The following YIF1B variants were observed in gnomAD, a reference collection of about 807,000 sequenced individuals.
YIF1B encodes protein YIF1B.
YIF1B carries 24 observed loss-of-function variants against 34.6 expected under a neutral mutation model. The observed-to-expected ratio is 0.69, with a 90% CI of 0.50 to 0.98. YIF1B has a LOEUF of 0.98. YIF1B is among the 50% of genes least tolerant of loss of function. The probability of loss-of-function intolerance (pLI) is 0.00; values close to 1 mark genes in which losing one functional copy is unlikely to be tolerated. For missense variants in YIF1B, 368 were observed against 429.4 expected, an observed-to-expected ratio of 0.86 and a Z score of 1.26; for synonymous variants, 186 against 184.8, an observed-to-expected ratio of 1.01 and a Z score of -0.05.
chr19:38,318,344 T>C (rs1367258551), upstream of YIF1B, among the ~76,000 whole-genome samples: 2 of 152,004 alleles, frequency 1.3e-5, no homozygotes, highest in East Asian at 3.9e-4. Flanking sequence ...AGTGCAGTGG[T>C]GCGACCATAA....
chr19:38,306,882 C>T (rs992999464), intron 7 of YIF1B: 18 of 427,770 alleles, frequency 4.2e-5, no homozygotes, highest in Non-Finnish European at 6.7e-5. Context: ...GGGGTTTCAC[C>T]GTGTTAGCCA....
chr19:38,306,273 G>A (rs1458208934), intron 7 of YIF1B, among the ~76,000 whole-genome samples: 1 of 150,818 alleles, frequency 6.6e-6, no homozygotes, highest in Non-Finnish European at 1.5e-5. Context: ...CTGCAGTGGC[G>A]TGACCTCAGC....
upstream of YIF1B, among the ~76,000 whole-genome samples, chr19:38,318,141 C>T (rs1466918150): frequency 1.5e-5 from 2 of 129,224 alleles, no homozygotes; most frequent in Admixed American, 1.0e-4. Flanking sequence ...TGCAGCGAGC[C>T]GAGATTGTGC....
At chr19:38,305,570 G>C (rs1968978998) in intron 7 of YIF1B, 63 bp from the exon 8 acceptor site, 1 of 1,521,610 alleles carries the variant, frequency 6.6e-7, no homozygotes, top group Admixed American at 2.1e-5. Context: ...GCCAGAGTGA[G>C]AGCCCGGACA....
chr19:38,313,319 C>T (rs748720854), intron 1 of YIF1B, among the ~76,000 whole-genome samples: 10 of 143,960 alleles, frequency 6.9e-5, no homozygotes, highest in African/African-American at 2.3e-4. Flanking sequence ...AGTGCAGTGG[C>T]GTGATCTCAG....
rs573136472 is a variant in YIF1B, at chr19:38,310,168, C to CCATTCATT, written c.59-526_59-525insAATGAATG. Among the ~76,000 whole-genome samples the CCATTCATT allele has an allele frequency of 6.3e-3, 944 of 148,780 alleles. 15 individuals carry two copies. The highest frequency in any genetic ancestry group is 0.023 in the African/African-American group (918 of 40,220). On this transcript the variant is annotated intron_variant, in intron 1 of 7. Transcript: ENST00000339413. ...TCCATCTACCCACCCACCCATCAAT[C>CCATTCATT]CATCCATTCATCCATCCACCCATCC...
rs117370073 is a variant in YIF1B, at chr19:38,308,923, C to T, written c.481+56G>A. The T allele has an allele frequency of 3.3e-4, 531 of 1,613,384 alleles. 4 individuals are homozygous for T. The East Asian group carries it at 0.01, about 31-fold the overall frequency. ...CTGGGCCTCCAGGCACCCACACACCCGCTCCATATAGGCCCGGAAGAGAGA... is the reference window on the plus strand; with the variant it reads ...CTGGGCCTCCAGGCACCCACACACCTGCTCCATATAGGCCCGGAAGAGAGA... On this transcript the variant is annotated intron_variant, in intron 4 of 7. Transcript: ENST00000339413.
chr19:38,304,854 GC>G lies in YIF1B; in HGVS notation c.*497del. On this transcript the variant is annotated 3_prime_UTR_variant, in exon 8 of 8. Transcript: ENST00000339413. ...GCCCTCGGCCCCACAGTCCCACGCT[GC>G]TGGCTCCAAGCAGCACGAGAGCATC... 1 of 1,613,758 alleles carries G rather than the reference GC, an allele frequency of 6.2e-7. No individual in the cohort carries two copies. Among genetic ancestry groups the G allele is most frequent in the Non-Finnish European group, 8.5e-7 (1 of 1,179,978 alleles).
At chr19:38,309,976 T>TCCTC in intron 1 of YIF1B, 4 of 104,658 alleles carry the variant, frequency 3.8e-5, no homozygotes, top group African/African-American at 2.2e-4. Flanking sequence ...ATCCATCCAT[T>TCCTC]CATCCATCCA....
At position 38,303,881 on chromosome 19, in the gene YIF1B, C is replaced by T. The variant is rs1004716533; in HGVS notation, c.*1471G>A. On this transcript the variant is annotated 3_prime_UTR_variant, in exon 8 of 8. Transcript: ENST00000339413. ...GGACGCCCCTGGCAGCAGCGCCCTG[C>T]GTGTTAAAGCGCCGCGGAGGAAGCT... Among the ~76,000 whole-genome samples, 2 of 152,216 alleles carry T rather than the reference C, an allele frequency of 1.3e-5. No individual in the cohort carries two copies. The highest frequency in any genetic ancestry group is 2.9e-5 in the Non-Finnish European group (2 of 68,034).
chr19:38,316,035 C>A (rs1478798673), upstream of YIF1B: 10 of 1,320,068 alleles, frequency 7.6e-6, no homozygotes, highest in Admixed American at 2.1e-4. Flanking sequence ...GCCTCGCCCC[C>A]ACCCCCCCGA....
chr19:38,305,231 G>C lies in YIF1B; in HGVS notation c.*121C>G. 6.9e-7 allele frequency: 1 copy of C among 1,454,988 alleles called. No homozygotes were observed. The highest frequency in any genetic ancestry group is 1.4e-5 in the South Asian group (1 of 73,366). 90.1% of individuals were successfully genotyped at this position (1,454,988 alleles called of 1,614,324 possible). On this transcript the variant is annotated 3_prime_UTR_variant, in exon 8 of 8. Transcript: ENST00000339413. The stretch of plus-strand genomic sequence containing the variant: ...GGGGGCGGGGCTGGGCGGGACATGG[G>C]ATGGAGGCGGTGCCTGTGGCCAGAC...
rs771081665 is a variant in YIF1B, at chr19:38,305,370, G to A, written c.927C>T (p.Thr309=). The change falls in exon 8 of 8, where the codon ACC becomes ACT. Residue 309 remains threonine (T), a synonymous_variant. Coordinates refer to ENST00000339413, the MANE Select transcript of YIF1B (RefSeq NM_001039672.3). The part of the protein sequence containing the change: ...AAQPMLMYWL[T]FHLVR Reference sequence around the variant, plus strand: ...GGCGCGCTCACCGCACCAGGTGGAAGGTGAGCCAGTACATGAGCATAGGCT... The same window carrying A: ...GGCGCGCTCACCGCACCAGGTGGAAAGTGAGCCAGTACATGAGCATAGGCT... 3 of 1,604,508 alleles carry A rather than the reference G, an allele frequency of 1.9e-6. No individual in the cohort carries two copies. The highest frequency in any genetic ancestry group is 1.3e-5 in the African/African-American group (1 of 74,884).
chr19:38,306,085 C>A (rs1969014390), intron 7 of YIF1B, among the ~76,000 whole-genome samples: 1 of 151,610 alleles, frequency 6.6e-6, no homozygotes, highest in African/African-American at 2.4e-5. Context: ...GCCTGTAGTC[C>A]CTGCTACTCA....
upstream of YIF1B, among the ~76,000 whole-genome samples, chr19:38,321,822 T>C (rs983029007): frequency 1.3e-5 from 2 of 152,198 alleles, no homozygotes; most frequent in African/African-American, 4.8e-5. Flanking sequence ...TGTGCACGCC[T>C]CCTACCTCTT....
upstream of YIF1B, among the ~76,000 whole-genome samples, chr19:38,320,455 G>T (rs1200761096): frequency 1.3e-5 from 2 of 152,072 alleles, no homozygotes; most frequent in African/African-American, 4.8e-5. Flanking sequence ...TGCTCGGGGA[G>T]CCCAAGTCCG....
chr19:38,308,874 C>A (rs1268541130), intron 4 of YIF1B, 25 bp from the exon 5 acceptor site: 5 of 1,613,762 alleles, frequency 3.1e-6, no homozygotes, highest in Non-Finnish European at 4.2e-6. Flanking sequence ...CACACAGACA[C>A]TGGTCACCAG....
At position 38,303,900 on chromosome 19, in the gene YIF1B, G is replaced by C. The variant is rs971441552; in HGVS notation, c.*1452C>G. On this transcript the variant is annotated 3_prime_UTR_variant, in exon 8 of 8. Transcript: ENST00000339413. ...GCCCTGCGTGTTAAAGCGCCGCGGA[G>C]GAAGCTGTATTGTCGCGGTACGCAG... 3.3e-5 allele frequency among the ~76,000 whole-genome samples: 5 copies of C among 152,256 alleles called. No homozygotes were observed. The highest frequency in any genetic ancestry group is 5.9e-5 in the Non-Finnish European group (4 of 68,044).
chr19:38,305,583 C>T (rs1354242282), intron 7 of YIF1B, 76 bp from the exon 8 acceptor site: 6 of 1,483,260 alleles, frequency 4.0e-6, no homozygotes, highest in Non-Finnish European at 1.8e-6. Context: ...CCCGGACATA[C>T]TTCCAGCCTC....
Sources: allele counts gnomAD v4.1 joint callset (sites outside exome capture counted in the v4.1 genomes callset), GRCh38; gene constraint gnomAD v4.1.1; transcripts MANE v1.5; gene names NCBI Gene and HGNC (gene_info 2026-07-23, HGNC 2026-07-21).